ZCCHC7: variants seen among roughly 807,000 people sequenced by gnomAD.
ZCCHC7 encodes the protein zinc finger CCHC domain-containing protein 7.
In ZCCHC7, 35 loss-of-function variants were observed where a neutral mutation model predicts 52.0. The ratio of observed to expected loss-of-function variants is 0.67; its 90% CI spans 0.51 to 0.89. ZCCHC7 has a LOEUF of 0.89. Among genes scored for constraint, ZCCHC7 ranks in the 40% least tolerant of loss-of-function variants. ZCCHC7 has a pLI of 0.00. For missense variants in ZCCHC7, 574 were observed against 649.1 expected, an observed-to-expected ratio of 0.88 and a Z score of 1.26; for synonymous variants, 217 against 221.5, an observed-to-expected ratio of 0.98 and a Z score of 0.18.
intron 2 of ZCCHC7, among the ~76,000 whole-genome samples, chr9:37,195,939 TTAAA>T (rs1156522587): frequency 6.6e-6 from 1 of 152,096 alleles, no homozygotes; most frequent in Non-Finnish European, 1.5e-5. Context: ...GTGTGATTTT[TTAAA>T]ATAATTCAAC....
chr9:37,352,682 ATT>A (rs34360630), intron 7 of ZCCHC7, among the ~76,000 whole-genome samples: 38 of 136,730 alleles, frequency 2.8e-4, no homozygotes, highest in Non-Finnish European at 2.5e-4. Flanking sequence ...ACACCTGGCT[ATT>A]TTTTTTTTTT....
chr9:37,270,807 T>A (rs10123572), intron 2 of ZCCHC7, among the ~76,000 whole-genome samples: 148,677 of 149,598 alleles, frequency 0.99, 73,885 homozygotes, highest in East Asian at 1. Flanking sequence ...CCAGCAATAA[T>A]AAAAAAAAAA....
intron 6 of ZCCHC7, among the ~76,000 whole-genome samples, chr9:37,347,250 CT>C (rs1379164371): frequency 6.6e-6 from 1 of 152,152 alleles, no homozygotes; most frequent in Non-Finnish European, 1.5e-5. Flanking sequence ...ATGTTCAAGT[CT>C]TTCCCATTCT....
At chr9:37,220,708 C>T (rs569153795) in intron 2 of ZCCHC7, among the ~76,000 whole-genome samples, 5 of 151,870 alleles carry the variant, frequency 3.3e-5, no homozygotes, top group Non-Finnish European at 1.5e-5. Flanking sequence ...AAGGAAGACT[C>T]GTGAAGGTAT....
At chr9:37,189,741 A>G (rs2133097412) in intron 2 of ZCCHC7, among the ~76,000 whole-genome samples, 1 of 152,210 alleles carries the variant, frequency 6.6e-6, no homozygotes, top group South Asian at 2.1e-4. Context: ...TGAAAGTTCT[A>G]AACAGCCTTC....
chr9:37,283,802 T>C (rs915451870), intron 2 of ZCCHC7, among the ~76,000 whole-genome samples: 3 of 152,302 alleles, frequency 2.0e-5, no homozygotes, highest in African/African-American at 7.2e-5. Flanking sequence ...AAACTCTGAC[T>C]AACTAGATTC....
At chr9:37,166,115 G>A (rs935658226) in intron 2 of ZCCHC7, among the ~76,000 whole-genome samples, 4 of 145,136 alleles carry the variant, frequency 2.8e-5, no homozygotes, top group Non-Finnish European at 6.1e-5. Flanking sequence ...GTAGAATCTC[G>A]GCTGGGTGGG....
chr9:37,279,936 C>T (rs1457667750), intron 2 of ZCCHC7, among the ~76,000 whole-genome samples: 14 of 151,834 alleles, frequency 9.2e-5, no homozygotes, highest in Admixed American at 9.2e-4. Flanking sequence ...GGGCGGATCA[C>T]GAGGTCAGGA....
chr9:37,219,133 AAAAC>A (rs1824681013), intron 2 of ZCCHC7, among the ~76,000 whole-genome samples: 1 of 152,180 alleles, frequency 6.6e-6, no homozygotes. Context: ...ATGAAAACTA[AAAAC>A]AAACAGAAAA....
At chr9:37,160,895 C>A (rs1209131321) in intron 2 of ZCCHC7, among the ~76,000 whole-genome samples, 2 of 151,768 alleles carry the variant, frequency 1.3e-5, no homozygotes, top group African/African-American at 2.4e-5. Flanking sequence ...TCAAAAAAAA[C>A]CAAAAAACTG....
chr9:37,126,042 G>C (rs1246117889), intron 1 of ZCCHC7, among the ~76,000 whole-genome samples: 1 of 152,124 alleles, frequency 6.6e-6, no homozygotes, highest in Non-Finnish European at 1.5e-5. Flanking sequence ...TGAAATCACA[G>C]AACAAAGCAT....
intron 1 of ZCCHC7, among the ~76,000 whole-genome samples, chr9:37,123,648 A>AT (rs1313133660): frequency 6.6e-6 from 1 of 151,972 alleles, no homozygotes; most frequent in African/African-American, 2.4e-5. Flanking sequence ...TGGCTTTTTA[A>AT]TTTTTTCTGT....
In ZCCHC7 at chr9:37,354,627, TA is replaced by T; in HGVS notation, c.1084-81del. 2 of 968,186 alleles carry T rather than the reference TA, an allele frequency of 2.1e-6. No individual in the cohort carries two copies. Among genetic ancestry groups the T allele is most frequent in the Non-Finnish European group, 1.6e-6 (1 of 628,766 alleles). The allele number at this position is 968,186 out of a possible 1,614,324, so 60.0% of individuals were successfully genotyped here. On this transcript the variant is annotated intron_variant, in intron 7 of 8. Coordinates refer to ENST00000336755, the MANE Select transcript of ZCCHC7 (RefSeq NM_032226.3). This position sits in a 1 kb window ranked among gnomAD's most constrained non-coding sequence, Gnocchi z 4.0. ...GTACCAGTGACATGGGGCTCATTTC[TA>T]ATTAACATGCTCCAGAATCTTGCAA... is the stretch of plus-strand genomic sequence containing the variant.
At chr9:37,277,200 C>T (rs1017478767) in intron 2 of ZCCHC7, among the ~76,000 whole-genome samples, 1 of 152,184 alleles carries the variant, frequency 6.6e-6, no homozygotes, top group Non-Finnish European at 1.5e-5. Flanking sequence ...CAAAGTTCTG[C>T]TACTGGTAAT....
chr9:37,208,790 C>T (rs908043976), intron 2 of ZCCHC7, among the ~76,000 whole-genome samples: 2 of 152,048 alleles, frequency 1.3e-5, no homozygotes, highest in Non-Finnish European at 2.9e-5. Context: ...TTCATTTTTC[C>T]ACCAAGCAGC....
chr9:37,207,186 C>T (rs1823964092), intron 2 of ZCCHC7, among the ~76,000 whole-genome samples: 1 of 152,108 alleles, frequency 6.6e-6, no homozygotes. Flanking sequence ...TATATGTAGT[C>T]CTTGTTACTC....
chr9:37,216,891 C>G (rs762647997), intron 2 of ZCCHC7, among the ~76,000 whole-genome samples: 2 of 152,046 alleles, frequency 1.3e-5, no homozygotes, highest in Non-Finnish European at 2.9e-5. Flanking sequence ...GTAGTTTTGA[C>G]TCTGTAGATT....
At chr9:37,120,734 C>G in intron 1 of ZCCHC7, 111 bp downstream of exon 1, 1 of 354,658 alleles carries the variant, frequency 2.8e-6, no homozygotes, top group Non-Finnish European at 5.1e-6. Context: ...CCGGCCTCGA[C>G]GTCTCCCGTC....
At chr9:37,310,062 A>G (rs1829521882) in intron 5 of ZCCHC7, among the ~76,000 whole-genome samples, 1 of 152,240 alleles carries the variant, frequency 6.6e-6, no homozygotes, top group Admixed American at 6.5e-5. Context: ...AGTCATATTC[A>G]AATCCTTTCT....
Sources: allele counts gnomAD v4.1 joint callset (sites outside exome capture counted in the v4.1 genomes callset), GRCh38; gene constraint gnomAD v4.1.1; non-coding constraint Gnocchi (gnomAD v3.1); transcripts MANE v1.5; gene names NCBI Gene and HGNC (gene_info 2026-07-23, HGNC 2026-07-21).